The following CMIP variants were observed in gnomAD, a reference collection of about 807,000 sequenced individuals.
CMIP encodes the protein c-Maf inducing protein.
Under a neutral mutation model 97.3 loss-of-function variants are expected in CMIP, and 13 were observed. The ratio of observed to expected loss-of-function variants is 0.13; its 90% CI spans 0.09 to 0.21. The LOEUF is 0.21. Among genes scored for constraint, CMIP ranks in the 10% least tolerant of loss-of-function variants. The pLI is 1.00. For synonymous variants in CMIP, 538 were observed against 436.3 expected, an observed-to-expected ratio of 1.23 and a Z score of -2.91; for missense variants, 847 against 1,024.9, an observed-to-expected ratio of 0.83 and a Z score of 2.37.
intron 1 of CMIP, among the ~76,000 whole-genome samples, chr16:81,504,824 G>A (rs2089679260): frequency 6.6e-6 from 1 of 152,162 alleles, no homozygotes; most frequent in Admixed American, 6.5e-5. Context: ...GAGTGAGGGT[G>A]TGGAACCCTT....
At chr16:81,640,432 A>T (rs2150987567) in intron 3 of CMIP, among the ~76,000 whole-genome samples, 1 of 152,216 alleles carries the variant, frequency 6.6e-6, no homozygotes, top group Admixed American at 6.5e-5. Context: ...CCGCAGTAAG[A>T]TGGCAGACTG....
intron 1 of CMIP, among the ~76,000 whole-genome samples, chr16:81,501,778 A>G (rs531429455): frequency 1.3e-5 from 2 of 151,950 alleles, no homozygotes; most frequent in South Asian, 4.2e-4. Context: ...TACCCAGCTA[A>G]TTTTTGTATT....
chr16:81,605,498 A>G (rs1227729269), intron 1 of CMIP, among the ~76,000 whole-genome samples: 2 of 152,188 alleles, frequency 1.3e-5, no homozygotes, highest in Non-Finnish European at 2.9e-5. Context: ...AACCTTGGCT[A>G]AAGCTCCTGC....
chr16:81,678,618 C>T lies in CMIP; in HGVS notation c.1378C>T (p.Leu460Phe). Reference protein sequence around the residue: ...DRTLGCYVEILKLLSDYDDWR... With the variant: ...DRTLGCYVEIFKLLSDYDDWR... The stretch of plus-strand genomic sequence containing the variant: ...CACGCTCGGCTGCTACGTGGAAATC[C>T]TCAAGCTGCTGTGAGTGCCCCCCCC... The change falls in exon 10 of 21, where the codon CTC becomes TTC. Residue 460 changes from leucine to phenylalanine, a missense_variant. By Grantham distance (22) the Leu-to-Phe change is conservative (BLOSUM62 0). This residue lies in a region of CMIP where 202 missense variants were observed against 168.7 expected (regional missense o/e 1.20). Transcript: ENST00000537098. The T allele has an allele frequency of 1.3e-6, 2 of 1,565,500 alleles. No individual in the cohort carries two copies. Among genetic ancestry groups the T allele is most frequent in the Non-Finnish European group, 1.7e-6 (2 of 1,145,086 alleles).
chr16:81,664,342 A>G lies in CMIP; in HGVS notation c.818A>G (p.His273Arg). 1 of 1,593,786 alleles carries G rather than the reference A, an allele frequency of 6.3e-7. No homozygotes were observed. The highest frequency in any genetic ancestry group is 2.3e-5 in the East Asian group (1 of 43,636). Residue 273 changes from histidine (H) to arginine (R), a missense_variant, in exon 7 of 21, where the codon CAT (histidine) becomes CGT (arginine). Physicochemically the swap from His to Arg is conservative, Grantham distance 29 (BLOSUM62 0). Coordinates refer to ENST00000537098, the MANE Select transcript of CMIP (RefSeq NM_198390.3). ...FTPVVQRILK[H>R]NMDFGKCPRL... The stretch of plus-strand genomic sequence containing the variant: ...CCCGTGGTGCAGCGAATCCTCAAGC[A>G]TAACATGGTGAGTCACCCTGCCCCA...
At chr16:81,455,033 G>C (rs1312209517) in intron 1 of CMIP, among the ~76,000 whole-genome samples, 2 of 152,206 alleles carry the variant, frequency 1.3e-5, no homozygotes, top group African/African-American at 4.8e-5. Flanking sequence ...TAAAGATAGA[G>C]GTGGGTTTGC....
intron 1 of CMIP, among the ~76,000 whole-genome samples, chr16:81,584,956 C>A (rs1319482395): frequency 6.6e-6 from 1 of 152,174 alleles, no homozygotes; most frequent in East Asian, 1.9e-4. Flanking sequence ...TAATATCACC[C>A]GTAAGTTTGG....
At chr16:81,541,167 C>G (rs941960701) in intron 1 of CMIP, among the ~76,000 whole-genome samples, 1 of 152,102 alleles carries the variant, frequency 6.6e-6, no homozygotes, top group Non-Finnish European at 1.5e-5. Flanking sequence ...CCTCCACCCC[C>G]GACCCTGTTC....
intron 3 of CMIP, among the ~76,000 whole-genome samples, chr16:81,629,179 T>C (rs1441496263): frequency 7.0e-6 from 1 of 143,660 alleles, no homozygotes; most frequent in Non-Finnish European, 1.5e-5. Flanking sequence ...TAATGTGAAT[T>C]GACGTCTGAC....
chr16:81,572,988 C>T (rs2091121904), intron 1 of CMIP, among the ~76,000 whole-genome samples: 1 of 152,082 alleles, frequency 6.6e-6, no homozygotes, highest in East Asian at 1.9e-4. Context: ...TGTAGATAAC[C>T]AATAATAAAA....
chr16:81,705,490 G>A lies in CMIP; in HGVS notation c.2092-9G>A. ...CCGGGAGAGGGCTGAGAGTTTCTGT[G>A]CTCTACAGTTTGGAGACGCTGGCCT... On this transcript the variant is annotated splice_polypyrimidine_tract_variant and intron_variant, in intron 18 of 20. Transcript: ENST00000537098. 6.3e-7 allele frequency: 1 copy of A among 1,586,212 alleles called. No individual in the cohort carries two copies. The highest frequency in any genetic ancestry group is 8.6e-7 in the Non-Finnish European group (1 of 1,164,612).
intron 1 of CMIP, 144 bp downstream of exon 1, chr16:81,445,685 C>G: frequency 1.0e-6 from 1 of 961,740 alleles, no homozygotes; most frequent in Non-Finnish European, 1.5e-6. Context: ...ACCAGGGCGC[C>G]TCGCTCCTGG....
chr16:81,583,802 C>T (rs1431229698), intron 1 of CMIP, among the ~76,000 whole-genome samples: 1 of 152,144 alleles, frequency 6.6e-6, no homozygotes, highest in Non-Finnish European at 1.5e-5. Context: ...GCCAAGGGGG[C>T]TGGATTTTTC....
At chr16:81,550,222 T>C (rs967174843) in intron 1 of CMIP, among the ~76,000 whole-genome samples, 5 of 152,212 alleles carry the variant, frequency 3.3e-5, no homozygotes, top group Admixed American at 6.5e-5. Flanking sequence ...CAGTTACTCA[T>C]TGCATGATCT....
At chr16:81,561,967 T>G (rs997029855) in intron 1 of CMIP, among the ~76,000 whole-genome samples, 1 of 152,014 alleles carries the variant, frequency 6.6e-6, no homozygotes, top group African/African-American at 2.4e-5. Flanking sequence ...GTAATCCAGT[T>G]GAGAGAGAAG....
chr16:81,466,872 G>C (rs1907236493), intron 1 of CMIP, among the ~76,000 whole-genome samples: 1 of 152,212 alleles, frequency 6.6e-6, no homozygotes, highest in Non-Finnish European at 1.5e-5. Context: ...ACCAAGTTTA[G>C]AAAGCCAAAG....
chr16:81,532,923 C>T (rs1245705612), intron 1 of CMIP, among the ~76,000 whole-genome samples: 1 of 152,178 alleles, frequency 6.6e-6, no homozygotes, highest in Non-Finnish European at 1.5e-5. Context: ...CCTCCTTGGA[C>T]ACGCCAAGCC....
In CMIP at chr16:81,607,683, C is replaced by G; in HGVS notation, c.417C>G (p.Val139=). The G allele has an allele frequency of 6.2e-7, 1 of 1,613,862 alleles. No homozygotes were observed. Among genetic ancestry groups the G allele is most frequent in the South Asian group, 1.1e-5 (1 of 91,074 alleles). Residue 139 remains valine, a synonymous_variant, in exon 2 of 21, where the codon GTC becomes GTG. Transcript: ENST00000537098. ...AGCTCACGATTCCTGGGGGAACTGT[C>G]TTACTGCAGGTAGGAGAAATAAACA... is the stretch of plus-strand genomic sequence containing the variant. ...CLQLTIPGGT[V]LLQAANSYLR... is the part of the protein sequence containing the mutation.
chr16:81,466,011 C>A (rs1037425235), intron 1 of CMIP, among the ~76,000 whole-genome samples: 16 of 151,832 alleles, frequency 1.1e-4, no homozygotes, highest in African/African-American at 3.6e-4. Context: ...CTTGTCCTTT[C>A]CTTTTTCTTT....
Sources: gnomAD v4.1 joint callset for allele counts (sites outside exome capture counted in the v4.1 genomes callset) on GRCh38, gnomAD v4.1.1 for gene constraint, gnomAD v4.1.1 regional missense constraint, MANE v1.5 for transcripts, NCBI Gene and HGNC (gene_info 2026-07-23, HGNC 2026-07-21) for gene names.